Variants in ZNF609 observed in about 807,000 individuals in gnomAD.
ZNF609 encodes the protein zinc finger protein 609.
A neutral mutation model predicts 109.5 loss-of-function variants in ZNF609; 11 were observed. That is an observed-to-expected ratio of 0.10 (90% CI 0.06 to 0.17). The LOEUF is 0.17. ZNF609 is among the 10% of genes least tolerant of loss of function. The pLI is 1.00. For missense variants in ZNF609, 1,559 were observed against 1,772.4 expected (o/e 0.88, Z 2.16); for synonymous variants, 646 against 662.0 (o/e 0.98, Z 0.37).
chr15:64,535,365 G>A (rs970918518), intron 2 of ZNF609, among the ~76,000 whole-genome samples: 3 of 152,076 alleles, frequency 2.0e-5, no homozygotes, highest in Non-Finnish European at 4.4e-5. Context: ...AAATTGAATC[G>A]TACCATATGT....
At chr15:64,589,994 C>A (rs546821983) in intron 2 of ZNF609, among the ~76,000 whole-genome samples, 82 of 152,218 alleles carry the variant, frequency 5.4e-4, no homozygotes, top group Admixed American at 1.4e-3. Context: ...GTGATTAAAG[C>A]TAAAACATTA....
At chr15:64,644,365 CT>C (rs1896301136) in intron 3 of ZNF609, among the ~76,000 whole-genome samples, 1 of 150,544 alleles carries the variant, frequency 6.6e-6, no homozygotes, top group East Asian at 2.0e-4. Flanking sequence ...GTGTGTGCCT[CT>C]AGTCCTTGCT....
intron 1 of ZNF609, among the ~76,000 whole-genome samples, chr15:64,473,901 A>G (rs1432643776): frequency 6.6e-6 from 1 of 151,674 alleles, no homozygotes; most frequent in Non-Finnish European, 1.5e-5. Flanking sequence ...CAGCCTCCCG[A>G]GTAGCTGTGA....
At chr15:64,530,056 C>T (rs927561927) in intron 2 of ZNF609, among the ~76,000 whole-genome samples, 3 of 151,814 alleles carry the variant, frequency 2.0e-5, no homozygotes, top group Non-Finnish European at 4.4e-5. Context: ...ACTCTGTCAC[C>T]CTGTCTGGAG....
At chr15:64,625,669 T>A (rs1895942038) in intron 3 of ZNF609, among the ~76,000 whole-genome samples, 1 of 151,590 alleles carries the variant, frequency 6.6e-6, no homozygotes, top group South Asian at 2.1e-4. Flanking sequence ...GGCGGGCGGA[T>A]CACGAGGTCA....
At chr15:64,671,096 G>A (rs1896720832) in intron 4 of ZNF609, among the ~76,000 whole-genome samples, 1 of 150,176 alleles carries the variant, frequency 6.7e-6, no homozygotes, top group African/African-American at 2.5e-5. Flanking sequence ...TGTAGTCCCA[G>A]CTACTCGGGA....
rs1486829636 is a variant in ZNF609, at chr15:64,618,478, G to A, written c.748-4349G>A. Among the ~76,000 whole-genome samples, 3 of 152,102 alleles carry A rather than the reference G, an allele frequency of 2.0e-5. No individual in the cohort carries two copies. In the South Asian group the frequency reaches 6.2e-4, roughly 32 times the overall value. ...CTTGTGTTAGCTCAATTAGACCCCTGCCTTATCACAAGAACAGAGGGCTTT... is the reference window on the plus strand; with the variant it reads ...CTTGTGTTAGCTCAATTAGACCCCTACCTTATCACAAGAACAGAGGGCTTT... On this transcript the variant is annotated intron_variant, in intron 2 of 9. Coordinates refer to ENST00000326648, the MANE Select transcript of ZNF609 (RefSeq NM_015042.2).
chr15:64,498,504 G>T (rs1309789779), intron 1 of ZNF609, among the ~76,000 whole-genome samples: 3 of 152,202 alleles, frequency 2.0e-5, no homozygotes, highest in East Asian at 3.8e-4. Context: ...AGGATTTTTA[G>T]TAGTGTCCAG....
chr15:64,542,206 G>A (rs1389521488), intron 2 of ZNF609, among the ~76,000 whole-genome samples: 2 of 152,164 alleles, frequency 1.3e-5, no homozygotes, highest in African/African-American at 4.8e-5. Context: ...TTTATGCTGT[G>A]TGAGAGTAAG....
At chr15:64,567,386 G>A (rs915104799) in intron 2 of ZNF609, among the ~76,000 whole-genome samples, 3 of 151,640 alleles carry the variant, frequency 2.0e-5, no homozygotes, top group African/African-American at 7.3e-5. Context: ...GGAGGCTGAG[G>A]CAGGAGAATC....
At chr15:64,670,792 C>T (rs1426942905) in intron 4 of ZNF609, among the ~76,000 whole-genome samples, 2 of 150,244 alleles carry the variant, frequency 1.3e-5, no homozygotes, top group Non-Finnish European at 3.0e-5. Flanking sequence ...GCAGGAGAAT[C>T]GCTTGAACCC....
chr15:64,622,708 T>C (rs1235292695), intron 2 of ZNF609, 119 bp from the exon 3 acceptor site: 5 of 846,564 alleles, frequency 5.9e-6, no homozygotes, highest in African/African-American at 1.7e-5. Flanking sequence ...ACCAAAGTCT[T>C]ATTTATAGCC....
At chr15:64,545,601 T>G (rs1052540244) in intron 2 of ZNF609, among the ~76,000 whole-genome samples, 7 of 152,190 alleles carry the variant, frequency 4.6e-5, no homozygotes, top group African/African-American at 1.7e-4. Context: ...ATGCATCTGT[T>G]TAACCACCCC....
intron 2 of ZNF609, among the ~76,000 whole-genome samples, chr15:64,602,644 A>C (rs1895518320): frequency 6.6e-6 from 1 of 150,584 alleles, no homozygotes; most frequent in South Asian, 2.1e-4. Flanking sequence ...CAGTCTCTTC[A>C]GGCTGTCTTA....
chr15:64,521,818 T>C (rs1262187260), intron 2 of ZNF609, among the ~76,000 whole-genome samples: 1 of 152,162 alleles, frequency 6.6e-6, no homozygotes, highest in African/African-American at 2.4e-5. Context: ...GGAATATTGG[T>C]GTGGGAAAGA....
rs190606927 is a variant in ZNF609, at chr15:64,485,030, A to T, written c.-127-14263A>T. On this transcript the variant is annotated intron_variant, in intron 1 of 9. Coordinates refer to ENST00000326648, the MANE Select transcript of ZNF609 (RefSeq NM_015042.2). Reference sequence around the variant, plus strand: ...AAGATATTCCTCGCAAAATTAACTTAGTGTACTGCCACGGAAATGCTGGGC... The same window carrying T: ...AAGATATTCCTCGCAAAATTAACTTTGTGTACTGCCACGGAAATGCTGGGC... Among the ~76,000 whole-genome samples the T allele has an allele frequency of 5.3e-5, 8 of 152,348 alleles. No homozygotes were observed. The East Asian group carries it at 1.5e-3, about 29-fold the overall frequency.
chr15:64,503,985 C>A (rs974221316), intron 2 of ZNF609, among the ~76,000 whole-genome samples: 7 of 152,208 alleles, frequency 4.6e-5, no homozygotes, highest in African/African-American at 1.7e-4. Flanking sequence ...TGTAGTCCCT[C>A]ATTGCCTAAC....
rs537880209 is a variant in ZNF609 at position 64,649,147 on chromosome 15, GA to G, written c.974-21189del. 4.2e-3 allele frequency among the ~76,000 whole-genome samples: 612 copies of G among 147,328 alleles called. 14 individuals carry two copies. In the East Asian group the frequency reaches 0.058, roughly 14 times the overall value. On this transcript the variant is annotated intron_variant, in intron 3 of 9. Transcript: ENST00000326648. Reference sequence around the variant, plus strand: ...ACTGTTATCTCCAGATGAATTTTGAGAAAAAAAAAATAGAATTGTTATAAAT... The same window carrying G: ...ACTGTTATCTCCAGATGAATTTTGAGAAAAAAAAATAGAATTGTTATAAAT...
chr15:64,609,112 C>CT (rs1438472024), intron 2 of ZNF609, among the ~76,000 whole-genome samples: 1 of 34,712 alleles, frequency 2.9e-5, no homozygotes, highest in African/African-American at 6.0e-5. Flanking sequence ...TTCTTTCTTT[C>CT]TTTCTTTCTT....
Sources: allele counts gnomAD v4.1 joint callset (sites outside exome capture counted in the v4.1 genomes callset), GRCh38; gene constraint gnomAD v4.1.1; transcripts MANE v1.5; gene names NCBI Gene and HGNC (gene_info 2026-07-23, HGNC 2026-07-21).